The following MLEC variants were observed in gnomAD, a reference collection of about 807,000 sequenced individuals.
MLEC encodes the protein oligosaccharyltransferase complex subunit (non-catalytic).
A neutral mutation model predicts 28.7 loss-of-function variants in MLEC; 7 were observed. The ratio of observed to expected loss-of-function variants is 0.24; its 90% confidence interval spans 0.14 to 0.46. MLEC has a LOEUF of 0.46. MLEC is among the 20% of genes least tolerant of loss of function. The probability of loss-of-function intolerance (pLI) is 0.99; values close to 1 mark genes in which losing one functional copy is unlikely to be tolerated. For missense variants in MLEC, 237 were observed against 391.1 expected, an observed-to-expected ratio of 0.61 and a Z score of 3.32; for synonymous variants, 142 against 164.4, an observed-to-expected ratio of 0.86 and a Z score of 1.04.
intron 1 of MLEC, 156 bp from the exon 2 acceptor site, chr12:120,693,935 T>C (rs1437478155): frequency 1.7e-6 from 1 of 604,508 alleles, no homozygotes; most frequent in East Asian, 2.8e-5. Context: ...CCTGCCTTTG[T>C]TGGAGCTCTG....
chr12:120,700,570 G>A lies in MLEC; in HGVS notation c.*4025G>A, dbSNP rs1882408634. On this transcript the variant is annotated 3_prime_UTR_variant, in exon 5 of 5. Transcript: ENST00000228506. The surrounding 1 kb of genome is among the most constrained non-coding windows in gnomAD (Gnocchi z 4.0). ...ACGGAAGCAGAACCGGAAACACCCAGGAACTGTTCAGAAATCTCAGAAGAA... is the reference window on the plus strand; with the variant it reads ...ACGGAAGCAGAACCGGAAACACCCAAGAACTGTTCAGAAATCTCAGAAGAA... 1 of 152,154 alleles carries A rather than the reference G, an allele frequency of 6.6e-6. No homozygotes were observed. The highest frequency in any genetic ancestry group is 6.5e-5 in the Admixed American group (1 of 15,276). The allele number at this position is 152,154 out of a possible 1,614,324, so 9.4% of individuals were successfully genotyped here.
chr12:120,691,359 G>A (rs954283632), intron 1 of MLEC, among the ~76,000 whole-genome samples: 4 of 152,192 alleles, frequency 2.6e-5, no homozygotes, highest in Non-Finnish European at 5.9e-5. Flanking sequence ...GATAGGTGGT[G>A]TCCCCATTTT....
chr12:120,695,197 A>G (rs1326530377), intron 4 of MLEC, 45 bp downstream of exon 4: 2 of 1,605,648 alleles, frequency 1.2e-6, no homozygotes, highest in South Asian at 1.1e-5. Context: ...GTGGAGGGAT[A>G]TGGTTGAGGA....
Position 120,694,385 on chromosome 12 carries a change from C to G in MLEC, c.414+116C>G. On this transcript the variant is annotated intron_variant, in intron 2 of 4. Transcript: ENST00000228506. This position sits in a 1 kb window ranked among gnomAD's most constrained non-coding sequence, Gnocchi z 4.5. ...TCCAGAAAGGCAGAACAGATGAGCT[C>G]TAGAGAAGCATGTTCCATAGTGCAC... 9.2e-7 allele frequency: 1 copy of G among 1,084,494 alleles called. No individual in the cohort carries two copies. The highest frequency in any genetic ancestry group is 3.2e-4 in the Middle Eastern group (1 of 3,154). The allele number at this position is 1,084,494 out of a possible 1,614,324, so 67.2% of individuals were successfully genotyped here.
At chr12:120,692,992 G>A (rs191627305) in intron 1 of MLEC, among the ~76,000 whole-genome samples, 6 of 152,226 alleles carry the variant, frequency 3.9e-5, no homozygotes, top group Admixed American at 1.3e-4. Context: ...AGGCCGATGC[G>A]GGTGGATCAC....
intron 1 of MLEC, among the ~76,000 whole-genome samples, chr12:120,689,628 A>C (rs1355058040): frequency 2.0e-5 from 3 of 152,190 alleles, no homozygotes; most frequent in Non-Finnish European, 4.4e-5. Context: ...GCAGCTCTCT[A>C]CTAAGGAGTC....
Position 120,687,362 on chromosome 12 carries a change from G to A in MLEC, c.66G>A (p.Leu22=), listed in dbSNP as rs1442601858. ...TCCTGCGACTGCTGCTGCTGCTGCTGCCGCCGGCGATCCGGGGACCCGGGC... is the reference window on the plus strand; with the variant it reads ...TCCTGCGACTGCTGCTGCTGCTGCTACCGCCGGCGATCCGGGGACCCGGGC... ...VALLRLLLLL[L]PPAIRGPGLG... Residue 22 remains leucine (L), a synonymous_variant, in exon 1 of 5, where the codon CTG becomes CTA. Transcript: ENST00000228506. This position sits in a 1 kb window ranked among gnomAD's most constrained non-coding sequence, Gnocchi z 8.1. 1 of 1,378,506 alleles carries A rather than the reference G, an allele frequency of 7.3e-7. No homozygotes were observed. Among genetic ancestry groups the A allele is most frequent in the Non-Finnish European group, 9.4e-7 (1 of 1,066,866 alleles). The allele number at this position is 1,378,506 out of a possible 1,614,324, so 85.4% of individuals were successfully genotyped here. A position where few individuals can be genotyped will look rare whatever the true frequency, so the allele number is the denominator to read the frequency against.
In MLEC at chr12:120,699,768, C is replaced by T. The variant is rs551021699; in HGVS notation, c.*3223C>T. On this transcript the variant is annotated 3_prime_UTR_variant, in exon 5 of 5. Transcript: ENST00000228506. The stretch of plus-strand genomic sequence containing the variant: ...CCACCTGTTGGTTTGAGAGCGTGTT[C>T]GTGTTCTCTTGCCCTCCCTGCCTAA... 2.0e-5 allele frequency: 3 copies of T among 152,732 alleles called. No individual in the cohort carries two copies. The highest frequency in any genetic ancestry group is 2.1e-4 in the South Asian group (1 of 4,818). The allele number at this position is 152,732 out of a possible 1,614,324, so 9.5% of individuals were successfully genotyped here. A position where few individuals can be genotyped will look rare whatever the true frequency, so the allele number is the denominator to read the frequency against.
chr12:120,696,415 A>G lies in MLEC; in HGVS notation c.749A>G (p.Asn250Ser), dbSNP rs751583039. The change falls in exon 5 of 5, where the codon AAT (asparagine) becomes AGT (serine). Residue 250 changes from asparagine to serine, a missense_variant. Coordinates refer to ENST00000228506, the MANE Select transcript of MLEC (RefSeq NM_014730.4). The surrounding 1 kb of genome is among the most constrained non-coding windows in gnomAD (Gnocchi z 5.4). ...GGGTCTAATCTCAAAAAACAGACCA[A>G]TAAGAACCGGGTGCAGTCAGGCCCC... The part of the protein sequence containing the change: ...DEGSNLKKQT[N>S]KNRVQSGPRT... The G allele has an allele frequency of 3.7e-6, 6 of 1,614,094 alleles. No homozygotes were observed. The highest frequency in any genetic ancestry group is 5.1e-6 in the Non-Finnish European group (6 of 1,180,048).
At position 120,694,355 on chromosome 12, in the gene MLEC, GTC is replaced by G; in HGVS notation, c.414+91_414+92del. 1 of 1,390,318 alleles carries G rather than the reference GTC, an allele frequency of 7.2e-7. No homozygotes were observed. Among genetic ancestry groups the G allele is most frequent in the Non-Finnish European group, 9.9e-7 (1 of 1,009,424 alleles). 86.1% of individuals were successfully genotyped at this position (1,390,318 alleles called of 1,614,324 possible). On this transcript the variant is annotated intron_variant, in intron 2 of 4. Coordinates refer to ENST00000228506, the MANE Select transcript of MLEC (RefSeq NM_014730.4). This position sits in a 1 kb window ranked among gnomAD's most constrained non-coding sequence, Gnocchi z 4.5. ...GATTATGGGGCTAGAGAGTGTGAGA[GTC>G]TCTCCAGAAAGGCAGAACAGATGAG...
chr12:120,689,341 A>G (rs2137412992), intron 1 of MLEC, among the ~76,000 whole-genome samples: 1 of 152,040 alleles, frequency 6.6e-6, no homozygotes, highest in East Asian at 1.9e-4. Context: ...ATTACATGAG[A>G]CCTACCAAAG....
rs1408238131 is a variant in MLEC at position 120,697,323 on chromosome 12, G to A, written c.*778G>A. 6.6e-6 allele frequency: 1 copy of A among 152,582 alleles called. No individual in the cohort carries two copies. The highest frequency in any genetic ancestry group is 1.5e-5 in the Non-Finnish European group (1 of 68,030). The allele number at this position is 152,582 out of a possible 1,614,324, so 9.5% of individuals were successfully genotyped here. The stretch of plus-strand genomic sequence containing the variant: ...TCTTCTCAGTTTTGTTTGTTTGTTT[G>A]TTTCCTTAATCTGGCTCATTTGAAA... On this transcript the variant is annotated 3_prime_UTR_variant, in exon 5 of 5. Coordinates refer to ENST00000228506, the MANE Select transcript of MLEC (RefSeq NM_014730.4). This position sits in a 1 kb window ranked among gnomAD's most constrained non-coding sequence, Gnocchi z 4.8.
rs920533276 is a variant in MLEC, at chr12:120,698,049, C to T, written c.*1504C>T. The T allele has an allele frequency of 6.6e-6, 1 of 152,148 alleles. No homozygotes were observed. The highest frequency in any genetic ancestry group is 2.1e-4 in the South Asian group (1 of 4,822). 9.4% of individuals were successfully genotyped at this position (152,148 alleles called of 1,614,324 possible). On this transcript the variant is annotated 3_prime_UTR_variant, in exon 5 of 5. Transcript: ENST00000228506. ...CCCCTCCTTTCTGGCCATTGTCATCCATTTCCCAGTTAGGGCAACAATGAA... is the reference window on the plus strand; with the variant it reads ...CCCCTCCTTTCTGGCCATTGTCATCTATTTCCCAGTTAGGGCAACAATGAA...
At position 120,694,333 on chromosome 12, in the gene MLEC, T is replaced by A; in HGVS notation, c.414+64T>A. ...TTGCTGCTCTTGGACAATCCACGAT[T>A]ATGGGGCTAGAGAGTGTGAGAGTCT... is the stretch of plus-strand genomic sequence containing the variant. On this transcript the variant is annotated intron_variant, in intron 2 of 4. Coordinates refer to ENST00000228506, the MANE Select transcript of MLEC (RefSeq NM_014730.4). This position sits in a 1 kb window ranked among gnomAD's most constrained non-coding sequence, Gnocchi z 4.5. 6.5e-7 allele frequency: 1 copy of A among 1,527,270 alleles called. No individual in the cohort carries two copies. The highest frequency in any genetic ancestry group is 9.0e-7 in the Non-Finnish European group (1 of 1,116,044). The allele number at this position is 1,527,270 out of a possible 1,614,324, so 94.6% of individuals were successfully genotyped here. A position where few individuals can be genotyped will look rare whatever the true frequency, so the allele number is the denominator to read the frequency against.
chr12:120,689,752 G>A (rs935995541), intron 1 of MLEC, among the ~76,000 whole-genome samples: 3 of 152,222 alleles, frequency 2.0e-5, no homozygotes, highest in Admixed American at 6.5e-5. Flanking sequence ...TACACTGATT[G>A]CAGTAGGAAC....
chr12:120,689,418 G>A (rs943969581), intron 1 of MLEC, among the ~76,000 whole-genome samples: 1 of 152,188 alleles, frequency 6.6e-6, no homozygotes, highest in Non-Finnish European at 1.5e-5. Flanking sequence ...AAGGTTCCCT[G>A]CTAAGGTTCC....
At chr12:120,689,301 C>T (rs983486292) in intron 1 of MLEC, among the ~76,000 whole-genome samples, 1 of 151,914 alleles carries the variant, frequency 6.6e-6, no homozygotes, top group East Asian at 1.9e-4. Context: ...GGTTGCAGTT[C>T]CTTGGAAGGA....
Position 120,700,654 on chromosome 12 carries a change from C to T in MLEC, c.*4109C>T, listed in dbSNP as rs1043169075. On this transcript the variant is annotated 3_prime_UTR_variant, in exon 5 of 5. Coordinates refer to ENST00000228506, the MANE Select transcript of MLEC (RefSeq NM_014730.4). This position sits in a 1 kb window ranked among gnomAD's most constrained non-coding sequence, Gnocchi z 4.0. ...CGATCAAAGAGCTCTAAGAAAATTG[C>T]AAAGAAGCCTTAATGTTCAAGCTTT... The T allele has an allele frequency of 6.6e-6, 1 of 152,172 alleles. No homozygotes were observed. Among genetic ancestry groups the T allele is most frequent in the Non-Finnish European group, 1.5e-5 (1 of 68,026 alleles). The allele number at this position is 152,172 out of a possible 1,614,324, so 9.4% of individuals were successfully genotyped here.
In MLEC at chr12:120,696,351, A is replaced by G; in HGVS notation, c.685A>G (p.Lys229Glu). The change falls in exon 5 of 5, where the codon AAG becomes GAG. Residue 229 changes from lysine to glutamate, a missense_variant. Transcript: ENST00000228506. This position sits in a 1 kb window ranked among gnomAD's most constrained non-coding sequence, Gnocchi z 5.4. ...PKLQPHPGLE[K>E]KEEEEEEEEY... ...GCTTCAGCCTCATCCGGGATTGGAG[A>G]AGAAAGAAGAGGAAGAAGAAGAAGA... The G allele has an allele frequency of 6.2e-7, 1 of 1,614,048 alleles. No homozygotes were observed. Among genetic ancestry groups the G allele is most frequent in the Non-Finnish European group, 8.5e-7 (1 of 1,180,002 alleles).
Sources: gnomAD v4.1 joint callset for allele counts (sites outside exome capture counted in the v4.1 genomes callset) on GRCh38, gnomAD v4.1.1 for gene constraint, Gnocchi (gnomAD v3.1) non-coding constraint, MANE v1.5 for transcripts, NCBI Gene and HGNC (gene_info 2026-07-23, HGNC 2026-07-21) for gene names.